The following HERC6 variants were observed in gnomAD, a reference collection of about 807,000 sequenced individuals.
HERC6 encodes probable E3 ubiquitin-protein ligase HERC6.
A neutral mutation model predicts 114.5 loss-of-function variants in HERC6; 101 were observed. That is an observed-to-expected ratio of 0.88 (90% CI 0.75 to 1.04). The LOEUF is 1.04. Among genes scored for constraint, HERC6 ranks in the 50% least tolerant of loss-of-function variants. The pLI, the probability that HERC6 is intolerant of heterozygous loss-of-function variation, is 0.00. For synonymous variants in HERC6, 408 were observed against 436.2 expected (o/e 0.94, Z 0.81); for missense variants, 1,133 against 1,230.9 (o/e 0.92, Z 1.19).
At chr4:88,411,963 G>A (rs1736127605) in intron 11 of HERC6, among the ~76,000 whole-genome samples, 1 of 152,164 alleles carries the variant, frequency 6.6e-6, no homozygotes, top group Non-Finnish European at 1.5e-5. Context: ...GGGAGCCAGG[G>A]GCTGCCATCT....
At chr4:88,419,720 A>G (rs1736842521) in intron 13 of HERC6, among the ~76,000 whole-genome samples, 1 of 152,180 alleles carries the variant, frequency 6.6e-6, no homozygotes, top group African/African-American at 2.4e-5. Flanking sequence ...AAGCTATTAA[A>G]CTAATTAATA....
chr4:88,418,403 G>C (rs1221998834), intron 13 of HERC6, among the ~76,000 whole-genome samples: 1 of 152,196 alleles, frequency 6.6e-6, no homozygotes, highest in Non-Finnish European at 1.5e-5. Flanking sequence ...TTGATGAGTA[G>C]ATGTTGTCTA....
intron 22 of HERC6, among the ~76,000 whole-genome samples, chr4:88,440,806 G>C: frequency 6.6e-6 from 1 of 152,190 alleles, no homozygotes; most frequent in East Asian, 1.9e-4. Flanking sequence ...TCTTATCTAT[G>C]TTTGCAGCCC....
chr4:88,398,701 T>C (rs562038601), intron 8 of HERC6: 1 of 152,270 alleles, frequency 6.6e-6, no homozygotes, highest in South Asian at 2.1e-4. Context: ...GTTGCAAGGG[T>C]CACATCACCG....
intron 8 of HERC6, among the ~76,000 whole-genome samples, chr4:88,400,475 G>A (rs551655924): frequency 6.4e-4 from 98 of 152,296 alleles, no homozygotes; most frequent in African/African-American, 2.2e-3. Flanking sequence ...GGGATTACAG[G>A]TGTATACCAC....
chr4:88,379,935 AAT>A (rs755545926), intron 1 of HERC6, among the ~76,000 whole-genome samples: 43 of 8,960 alleles, frequency 4.8e-3, no homozygotes, highest in East Asian at 0.026. Context: ...ATAATATATA[AAT>A]ATATATATAA....
rs1434178847 is a variant in HERC6 at position 88,437,714 on chromosome 4, C to T, written c.2488C>T (p.His830Tyr). 1.3e-6 allele frequency: 2 copies of T among 1,597,088 alleles called. No homozygotes were observed. Among genetic ancestry groups the T allele is most frequent in the South Asian group, 2.3e-5 (2 of 88,396 alleles). The change falls in exon 20 of 23, where the codon CAC becomes TAC. Residue 830 changes from histidine to tyrosine, a missense_variant. By Grantham distance (83) the His-to-Tyr change is moderately conservative. Transcript: ENST00000264346. ...CCTGAATACATTTTGGTTACAGATA[C>T]ACTGGGACCAAAATGATGTTGACTT... ...GDALCIRFSI[H>Y]WDQNDVDLIP...
chr4:88,392,035 TCTCC>T (rs1458403480), intron 4 of HERC6, among the ~76,000 whole-genome samples: 1 of 27,850 alleles, frequency 3.6e-5, no homozygotes, highest in Non-Finnish European at 6.3e-5. Context: ...CCTCCCCTTC[TCTCC>T]CTCCCTCCCC....
intron 15 of HERC6, among the ~76,000 whole-genome samples, chr4:88,425,289 AT>A (rs1737484717): frequency 6.6e-6 from 1 of 152,260 alleles, no homozygotes. Flanking sequence ...GCAGAGTATT[AT>A]CAAGCTTTGT....
intron 8 of HERC6, among the ~76,000 whole-genome samples, chr4:88,401,338 C>T (rs899694331): frequency 6.6e-6 from 1 of 151,584 alleles, no homozygotes; most frequent in Non-Finnish European, 1.5e-5. Flanking sequence ...ACTAAAAATA[C>T]AAAAATTAGC....
rs755519935 is a variant in HERC6, at chr4:88,396,052, G to A, written c.797G>A (p.Gly266Glu). Residue 266 changes from glycine to glutamate, a missense_variant, in exon 6 of 23, where the codon GGA (glycine) becomes GAA (glutamate). By Grantham distance (98) the Gly-to-Glu change is moderately conservative (BLOSUM62 -2). This residue lies in a region of HERC6 where 735 missense variants were observed against 754.0 expected (regional missense o/e 0.97). Transcript: ENST00000264346. ...KVFTFGDNRS[G>E]QLGYSPTPEK... ...TTCACATTTGGAGACAATCGCTCTG[G>A]ACAGCTGGGATACAGCCCCACTCCT... 7 of 1,607,866 alleles carry A rather than the reference G, an allele frequency of 4.4e-6. No homozygotes were observed. The highest frequency in any genetic ancestry group is 5.9e-6 in the Non-Finnish European group (7 of 1,177,108).
chr4:88,424,744 A>G, intron 15 of HERC6, 42 bp downstream of exon 15: 2 of 1,205,764 alleles, frequency 1.7e-6, no homozygotes, highest in Non-Finnish European at 2.4e-6. Context: ...TTTCAAACAT[A>G]TATAAAATAG....
chr4:88,414,310 A>AT (rs58308049), intron 12 of HERC6, among the ~76,000 whole-genome samples: 61 of 148,428 alleles, frequency 4.1e-4, no homozygotes, highest in Admixed American at 8.1e-4. Context: ...GACTCTACCA[A>AT]TTTTTTTTTT....
At position 88,396,092 on chromosome 4, in the gene HERC6, A is replaced by G; in HGVS notation, c.837A>G (p.Pro279=). 1 of 1,607,520 alleles carries G rather than the reference A, an allele frequency of 6.2e-7. No individual in the cohort carries two copies. Among genetic ancestry groups the G allele is most frequent in the Non-Finnish European group, 8.5e-7 (1 of 1,176,856 alleles). ...GCCCCACTCCTGAGAAGAGAGGTCC[A>G]CAACTTGTGGAAAGAATTGATGGCC... is the stretch of plus-strand genomic sequence containing the variant. The part of the protein sequence containing the change: ...GYSPTPEKRG[P]QLVERIDGLV... The change falls in exon 6 of 23, where the codon CCA becomes CCG. Residue 279 remains proline, a synonymous_variant. Coordinates refer to ENST00000264346, the MANE Select transcript of HERC6 (RefSeq NM_017912.4).
chr4:88,442,253 T>C lies in HERC6; in HGVS notation c.2862T>C (p.Asp954=), dbSNP rs1739419535. The change falls in exon 23 of 23, where the codon GAT becomes GAC. Residue 954 remains aspartate, a synonymous_variant. Coordinates refer to ENST00000264346, the MANE Select transcript of HERC6 (RefSeq NM_017912.4). The stretch of plus-strand genomic sequence containing the variant: ...TTCTAGTTTTCCTTACAGGACGTGA[T>C]AGGCTGCATGCAAGAGGCATACAGA... ...KKFLFFLTGR[D]RLHARGIQKM... is the part of the protein sequence containing the mutation. 6.2e-7 allele frequency: 1 copy of C among 1,612,000 alleles called. No homozygotes were observed. Among genetic ancestry groups the C allele is most frequent in the East Asian group, 2.2e-5 (1 of 44,858 alleles).
chr4:88,415,784 C>A (rs1281252933), intron 12 of HERC6, among the ~76,000 whole-genome samples: 1 of 152,062 alleles, frequency 6.6e-6, no homozygotes, highest in African/African-American at 2.4e-5. Flanking sequence ...AGTAACAGAC[C>A]AATACACTGA....
rs1431492865 is a variant in HERC6, at chr4:88,424,522, G to A, written c.1828-73G>A. 13 of 1,120,796 alleles carry A rather than the reference G, an allele frequency of 1.2e-5. No individual in the cohort carries two copies. In the East Asian group the frequency reaches 2.7e-4, roughly 23 times the overall value. The allele number at this position is 1,120,796 out of a possible 1,614,324, so 69.4% of individuals were successfully genotyped here. A position where few individuals can be genotyped will look rare whatever the true frequency, so the allele number is the denominator to read the frequency against. ...AAAAACCAGATTCCAAAAAAAAGGCGATAAGGTAAAGGAAGTAAGTTTTTT... is the reference window on the plus strand; with the variant it reads ...AAAAACCAGATTCCAAAAAAAAGGCAATAAGGTAAAGGAAGTAAGTTTTTT... On this transcript the variant is annotated intron_variant, in intron 14 of 22. Transcript: ENST00000264346.
chr4:88,408,529 C>G lies in HERC6; in HGVS notation c.1280C>G (p.Thr427Ser). ...LTASFLKKRG[T>S]GETTSIDVDL... The stretch of plus-strand genomic sequence containing the variant: ...TGCATTTCTTGTATCCAAAGAGGAA[C>G]TGGAGAAACGACTTCCATTGATGTG... Residue 427 changes from threonine (T) to serine (S), a missense_variant, in exon 11 of 23, where the codon ACT (threonine) becomes AGT (serine). By Grantham distance (58) the Thr-to-Ser change is moderately conservative. Coordinates refer to ENST00000264346, the MANE Select transcript of HERC6 (RefSeq NM_017912.4). 1 of 1,591,490 alleles carries G rather than the reference C, an allele frequency of 6.3e-7. No individual in the cohort carries two copies. Among genetic ancestry groups the G allele is most frequent in the Non-Finnish European group, 8.6e-7 (1 of 1,166,278 alleles).
chr4:88,436,749 C>T lies in HERC6; in HGVS notation c.2418-156C>T, dbSNP rs147933664. On this transcript the variant is annotated intron_variant, in intron 18 of 22. Coordinates refer to ENST00000264346, the MANE Select transcript of HERC6 (RefSeq NM_017912.4). Reference sequence around the variant, plus strand: ...CAACAAATCAAACTGTAAATAGAGGCAAACTCTAGGGAAAGGGAATGAGAA... The same window carrying T: ...CAACAAATCAAACTGTAAATAGAGGTAAACTCTAGGGAAAGGGAATGAGAA... Among the ~76,000 whole-genome samples, 1,104 of 152,254 alleles carry T rather than the reference C, an allele frequency of 7.3e-3. 12 individuals are homozygous for T. Among genetic ancestry groups the T allele is most frequent in the African/African-American group, 0.025 (1,022 of 41,538 alleles).
Sources: gnomAD v4.1 joint callset for allele counts (sites outside exome capture counted in the v4.1 genomes callset) on GRCh38, gnomAD v4.1.1 for gene constraint, gnomAD v4.1.1 regional missense constraint, MANE v1.5 for transcripts, NCBI Gene and HGNC (gene_info 2026-07-23, HGNC 2026-07-21) for gene names.